The following CSMD3 variants were observed in gnomAD, a reference collection of about 807,000 sequenced individuals.
CSMD3 encodes the protein CUB and Sushi multiple domains 3.
In CSMD3, 177 loss-of-function variants were observed where a neutral mutation model predicts 435.2. That is an observed-to-expected ratio of 0.41 (90% CI 0.36 to 0.46). The LOEUF is 0.46. CSMD3 is among the 20% of genes least tolerant of loss of function. The pLI is 0.34. For missense variants in CSMD3, 4,265 were observed against 4,504.6 expected (o/e 0.95, Z 1.52); for synonymous variants, 1,656 against 1,520.5 (o/e 1.09, Z -2.07).
At chr8:113,406,091 A>G (rs569324399) in intron 1 of CSMD3, among the ~76,000 whole-genome samples, 1 of 151,906 alleles carries the variant, frequency 6.6e-6, no homozygotes, top group Non-Finnish European at 1.5e-5. Context: ...AAAATAAGGA[A>G]GAAAACAGAT....
chr8:112,946,170 CAG>C, intron 9 of CSMD3, among the ~76,000 whole-genome samples: 1 of 151,820 alleles, frequency 6.6e-6, no homozygotes, highest in African/African-American at 2.4e-5. Flanking sequence ...TTAATGTCAT[CAG>C]TAATATTGTA....
intron 13 of CSMD3, among the ~76,000 whole-genome samples, chr8:112,763,840 A>T (rs1460342338): frequency 6.6e-6 from 1 of 151,276 alleles, no homozygotes; most frequent in Non-Finnish European, 1.5e-5. Flanking sequence ...GGACAAGAGT[A>T]TGAAGCATAG....
intron 1 of CSMD3, among the ~76,000 whole-genome samples, chr8:113,315,289 C>A (rs1256256614): frequency 6.6e-6 from 1 of 152,116 alleles, no homozygotes; most frequent in Non-Finnish European, 1.5e-5. Flanking sequence ...TTAGGAAAAT[C>A]TGTCTCACCC....
chr8:112,872,316 G>C (rs374356450), intron 10 of CSMD3, among the ~76,000 whole-genome samples: 1 of 151,982 alleles, frequency 6.6e-6, no homozygotes. Context: ...ATCTGCATAA[G>C]AATGGGAGTC....
At chr8:112,469,244 CTG>C in intron 32 of CSMD3, among the ~76,000 whole-genome samples, 1 of 147,244 alleles carries the variant, frequency 6.8e-6, no homozygotes. Context: ...TATCTGAAAA[CTG>C]TCATCTGTTC....
chr8:113,175,398 C>A (rs922609503), intron 3 of CSMD3, among the ~76,000 whole-genome samples: 3 of 151,650 alleles, frequency 2.0e-5, no homozygotes, highest in African/African-American at 7.2e-5. Flanking sequence ...AAGAAATTGG[C>A]TAATATTTAC....
intron 13 of CSMD3, among the ~76,000 whole-genome samples, chr8:112,737,457 A>G (rs181652555): frequency 1.3e-5 from 2 of 152,020 alleles, no homozygotes; most frequent in East Asian, 3.9e-4. Flanking sequence ...ATTAGTACCT[A>G]AAGGCAGATT....
chr8:112,588,407 T>C lies in CSMD3; in HGVS notation c.3716-1172A>G, dbSNP rs189719872. Reference sequence around the variant, plus strand: ...TGTGAAATAATAATAAAAACTAATGTTATGGTACTAATAGCCAGTATTACA... The same window carrying C: ...TGTGAAATAATAATAAAAACTAATGCTATGGTACTAATAGCCAGTATTACA... On this transcript the variant is annotated intron_variant, in intron 22 of 70. Transcript: ENST00000297405. Among the ~76,000 whole-genome samples the C allele has an allele frequency of 5.9e-5, 9 of 151,934 alleles. No individual in the cohort carries two copies. The East Asian group carries it at 1.7e-3, about 29-fold the overall frequency.
chr8:113,265,416 C>T (rs1021558609), intron 3 of CSMD3, among the ~76,000 whole-genome samples: 1 of 151,444 alleles, frequency 6.6e-6, no homozygotes. Flanking sequence ...TTGAAGTAAA[C>T]CCTGGCTAGA....
chr8:113,128,671 G>A (rs890453255), intron 4 of CSMD3, among the ~76,000 whole-genome samples: 6 of 152,024 alleles, frequency 3.9e-5, no homozygotes, highest in African/African-American at 1.2e-4. Context: ...TATGTACTCA[G>A]ACAGAGGCTT....
intron 1 of CSMD3, among the ~76,000 whole-genome samples, chr8:113,357,247 T>C (rs1323713918): frequency 6.6e-6 from 1 of 152,204 alleles, no homozygotes; most frequent in Admixed American, 6.5e-5. Context: ...TTTAGCCCTT[T>C]CAAAACTTCT....
At chr8:112,317,602 ATGTC>A (rs1251100166) in intron 47 of CSMD3, among the ~76,000 whole-genome samples, 3 of 152,034 alleles carry the variant, frequency 2.0e-5, no homozygotes, top group Non-Finnish European at 4.4e-5. Flanking sequence ...TGACATCTAA[ATGTC>A]TGGAATATGT....
At chr8:112,306,275 T>C (rs1328097326) in intron 50 of CSMD3, 83 bp from the exon 51 acceptor site, 10 of 983,896 alleles carry the variant, frequency 1.0e-5, no homozygotes, top group Non-Finnish European at 1.6e-5. Flanking sequence ...CTGTAAAACA[T>C]GCAAAACTAA....
chr8:112,777,981 C>G (rs2078287176), intron 13 of CSMD3, among the ~76,000 whole-genome samples: 1 of 151,728 alleles, frequency 6.6e-6, no homozygotes, highest in Non-Finnish European at 1.5e-5. Context: ...TCTACTAACA[C>G]AAAATAAAAC....
intron 38 of CSMD3, among the ~76,000 whole-genome samples, chr8:112,355,839 T>A (rs12677343): frequency 0.18 from 27,316 of 150,680 alleles, 2,986 homozygotes; most frequent in Middle Eastern, 0.35. Context: ...TCAAAAAAAA[T>A]AAATAGATAA....
intron 13 of CSMD3, among the ~76,000 whole-genome samples, chr8:112,753,710 G>T (rs1033627937): frequency 1.3e-5 from 2 of 152,250 alleles, no homozygotes; most frequent in Admixed American, 6.5e-5. Context: ...TTCCTGTTAG[G>T]AGTTACCATA....
intron 10 of CSMD3, among the ~76,000 whole-genome samples, chr8:112,910,259 C>A (rs976270589): frequency 1.3e-5 from 2 of 151,634 alleles, no homozygotes; most frequent in Admixed American, 1.3e-4. Context: ...TAAATGAAAC[C>A]CTCAGGATAA....
intron 58 of CSMD3, among the ~76,000 whole-genome samples, chr8:112,284,249 A>G (rs554337818): frequency 3.9e-5 from 6 of 152,024 alleles, no homozygotes; most frequent in African/African-American, 1.4e-4. Context: ...GATTAAATGA[A>G]GTCACTTAAA....
intron 61 of CSMD3, among the ~76,000 whole-genome samples, chr8:112,258,029 G>C (rs533650999): frequency 2.0e-4 from 31 of 152,256 alleles, no homozygotes; most frequent in African/African-American, 7.0e-4. Context: ...AAGCAATAGG[G>C]AAAGGATTCG....
Sources: gnomAD v4.1 joint callset for allele counts (sites outside exome capture counted in the v4.1 genomes callset) on GRCh38, gnomAD v4.1.1 for gene constraint, MANE v1.5 for transcripts, NCBI Gene and HGNC (gene_info 2026-07-23, HGNC 2026-07-21) for gene names.